Variants in MLXIP observed in about 807,000 individuals in gnomAD.
MLXIP encodes the protein MLX interacting protein, also known as MLX-interacting protein.
In MLXIP, 30 loss-of-function variants were observed where a neutral mutation model predicts 87.2. That is an observed-to-expected ratio of 0.34 (90% CI 0.26 to 0.47). The LOEUF is 0.47. Ranked by LOEUF, MLXIP falls within the 20% of genes least tolerant of loss-of-function variation. MLXIP has a pLI of 1.00. For missense variants in MLXIP, 1,002 were observed against 1,240.1 expected (o/e 0.81, Z 2.88); for synonymous variants, 530 against 514.0 (o/e 1.03, Z -0.42).
intron 1 of MLXIP, among the ~76,000 whole-genome samples, chr12:122,099,442 T>TCG (rs1952403909): frequency 6.6e-6 from 1 of 152,126 alleles, no homozygotes. Context: ...CTTCCAGGCA[T>TCG]CGTGCTGCGC....
At chr12:122,105,768 G>A (rs1423128909) in intron 1 of MLXIP, among the ~76,000 whole-genome samples, 15 of 151,376 alleles carry the variant, frequency 9.9e-5, no homozygotes, top group African/African-American at 3.6e-4. Context: ...CTAAAGAGCG[G>A]GACTCCGTCT....
chr12:122,134,973 C>T (rs1953058902), intron 9 of MLXIP: 2 of 430,070 alleles, frequency 4.7e-6, no homozygotes, highest in African/African-American at 2.2e-5. Flanking sequence ...TGCACCCAGC[C>T]TCTCTATCTT....
chr12:122,126,259 A>G (rs1313658811), intron 1 of MLXIP, among the ~76,000 whole-genome samples: 2 of 152,188 alleles, frequency 1.3e-5, no homozygotes, highest in African/African-American at 2.4e-5. Context: ...TTGAGCCCCT[A>G]CTATGTGCCA....
At chr12:122,079,287 C>T (rs990705244) in intron 1 of MLXIP, 21 bp downstream of exon 1, 6 of 1,544,188 alleles carry the variant, frequency 3.9e-6, no homozygotes, top group Admixed American at 4.0e-5. Flanking sequence ...CCGCGACCCC[C>T]TGAGGCCCCG....
intron 7 of MLXIP, among the ~76,000 whole-genome samples, chr12:122,131,276 CA>C (rs1251847123): frequency 6.6e-6 from 1 of 151,916 alleles, no homozygotes; most frequent in Admixed American, 6.6e-5. Context: ...GCAGAAACGT[CA>C]GGCCTGGGAG....
chr12:122,103,164 T>A (rs1265091367), intron 1 of MLXIP, among the ~76,000 whole-genome samples: 1 of 151,440 alleles, frequency 6.6e-6, no homozygotes, highest in Non-Finnish European at 1.5e-5. Flanking sequence ...CCACCATGCC[T>A]GGCTAATTTT....
In MLXIP at chr12:122,135,015, A is replaced by G. The variant is rs1953060182; in HGVS notation, c.1733-209A>G. 1.7e-6 allele frequency: 1 copy of G among 579,592 alleles called. No homozygotes were observed. Among genetic ancestry groups the G allele is most frequent in the Non-Finnish European group, 3.1e-6 (1 of 323,994 alleles). The allele number at this position is 579,592 out of a possible 1,614,324, so 35.9% of individuals were successfully genotyped here. A position where few individuals can be genotyped will look rare whatever the true frequency, so the allele number is the denominator to read the frequency against. On this transcript the variant is annotated intron_variant, in intron 9 of 16. Coordinates refer to ENST00000319080, the MANE Select transcript of MLXIP (RefSeq NM_014938.6). This position sits in a 1 kb window ranked among gnomAD's most constrained non-coding sequence, Gnocchi z 5.3. Reference sequence around the variant, plus strand: ...AAAGTTAGTCACAACCTACAGTGTGAAAACATGGTCCTGGCCATCTCTTTC... The same window carrying G: ...AAAGTTAGTCACAACCTACAGTGTGGAAACATGGTCCTGGCCATCTCTTTC...
At chr12:122,128,410 G>A (rs980647834) in intron 3 of MLXIP, 2 of 161,830 alleles carry the variant, frequency 1.2e-5, no homozygotes, top group African/African-American at 2.4e-5. Flanking sequence ...CACTGTTAAC[G>A]ATAAAGGGGG....
At chr12:122,097,125 C>T (rs1247442992) in intron 1 of MLXIP, among the ~76,000 whole-genome samples, 1 of 152,120 alleles carries the variant, frequency 6.6e-6, no homozygotes, top group Non-Finnish European at 1.5e-5. Context: ...GAAGAGTGCT[C>T]GGCAGAGGAG....
At chr12:122,084,259 C>A (rs139779037) in intron 1 of MLXIP, among the ~76,000 whole-genome samples, 1 of 151,534 alleles carries the variant, frequency 6.6e-6, no homozygotes. Flanking sequence ...TCTCCCCTTT[C>A]GCTGTTAACT....
chr12:122,130,823 C>T, intron 6 of MLXIP, 21 bp from the exon 7 acceptor site: 1 of 1,576,880 alleles, frequency 6.3e-7, no homozygotes, highest in Non-Finnish European at 8.7e-7. Context: ...AAAATGGTTC[C>T]TCTCTCTGTG....
chr12:122,132,489 C>A, intron 8 of MLXIP, 106 bp downstream of exon 8: 1 of 860,614 alleles, frequency 1.2e-6, no homozygotes, highest in Non-Finnish European at 1.9e-6. Context: ...ACACAGTCAC[C>A]AGCAAAGCGC....
chr12:122,078,935 G>A lies in MLXIP; in HGVS notation c.82G>A (p.Glu28Lys). Residue 28 changes from glutamate to lysine, a missense_variant, in exon 1 of 17, where the codon GAG becomes AAG. Transcript: ENST00000319080. ...RQVLLKPQVS[E>K]DDDDSDTDEP... Reference sequence around the variant, plus strand: ...GGTGCTGCTCAAGCCCCAGGTGTCCGAGGACGACGACGACTCGGACACGGA... The same window carrying A: ...GGTGCTGCTCAAGCCCCAGGTGTCCAAGGACGACGACGACTCGGACACGGA... 2.7e-6 allele frequency: 3 copies of A among 1,123,422 alleles called. No individual in the cohort carries two copies. The highest frequency in any genetic ancestry group is 4.5e-5 in the Admixed American group (1 of 22,050). 69.6% of individuals were successfully genotyped at this position (1,123,422 alleles called of 1,614,324 possible). A position where few individuals can be genotyped will look rare whatever the true frequency, so the allele number is the denominator to read the frequency against.
At chr12:122,093,403 TGGTGTGTGTTGGTGTGTTATATGTGG>T (rs1952279748) in intron 1 of MLXIP, among the ~76,000 whole-genome samples, 1 of 141,248 alleles carries the variant, frequency 7.1e-6, no homozygotes, top group Non-Finnish European at 1.5e-5. Flanking sequence ...GTTATGTGTG[TGGTGTGTGTTGGTGTGTTATATGTGG>T]GGTGTGTGTG....
Position 122,078,956 on chromosome 12 carries a change from A to G in MLXIP, c.103A>G (p.Thr35Ala). ...QVSEDDDDSD[T>A]DEPSPPPASG... ...GTCCGAGGACGACGACGACTCGGAC[A>G]CGGATGAGCCGTCCCCGCCGCCCGC... is the stretch of plus-strand genomic sequence containing the variant. Residue 35 changes from threonine (T) to alanine (A), a missense_variant, in exon 1 of 17, where the codon ACG (threonine) becomes GCG (alanine). Around this residue, in one of 3 missense-constraint regions of MLXIP, gnomAD observed 129 missense variants for 104.2 expected, o/e 1.24. Transcript: ENST00000319080. 1.8e-6 allele frequency: 2 copies of G among 1,103,716 alleles called. No homozygotes were observed. The highest frequency in any genetic ancestry group is 2.2e-6 in the Non-Finnish European group (2 of 900,990). The allele number at this position is 1,103,716 out of a possible 1,614,324, so 68.4% of individuals were successfully genotyped here.
At chr12:122,128,011 C>T (rs1332207625) in intron 3 of MLXIP, 43 bp downstream of exon 3, 1 of 1,544,474 alleles carries the variant, frequency 6.5e-7, no homozygotes, top group Non-Finnish European at 8.9e-7. Flanking sequence ...GGAAACATAC[C>T]AGCACCTCAC....
At chr12:122,086,322 GA>G (rs200439131) in intron 1 of MLXIP, among the ~76,000 whole-genome samples, 74,862 of 151,918 alleles carry the variant, frequency 0.49, 18,803 homozygotes, top group Middle Eastern at 0.64. Flanking sequence ...CACCACAGGA[GA>G]GCAGAGGAGC....
At chr12:122,118,315 T>C (rs572784728) in intron 1 of MLXIP, among the ~76,000 whole-genome samples, 65 of 152,328 alleles carry the variant, frequency 4.3e-4, no homozygotes, top group African/African-American at 1.5e-3. Context: ...CGGTTGATCA[T>C]GGGTAAAGCA....
chr12:122,133,986 A>G lies in MLXIP; in HGVS notation c.1731A>G (p.Pro577=). 1 of 1,594,362 alleles carries G rather than the reference A, an allele frequency of 6.3e-7. No homozygotes were observed. Among genetic ancestry groups the G allele is most frequent in the Non-Finnish European group, 8.6e-7 (1 of 1,169,286 alleles). ...TGTTGAAGAATGCCCGTATCGCCCCAGGTGAGCCAGGCGGGGAGACTCAGT... is the reference window on the plus strand; with the variant it reads ...TGTTGAAGAATGCCCGTATCGCCCCGGGTGAGCCAGGCGGGGAGACTCAGT... The part of the protein sequence containing the change: ...SLVLKNARIA[P]AAFSGQPQAV... The change falls in exon 9 of 17, where the codon CCA becomes CCG. Residue 577 remains proline, a splice_region_variant and synonymous_variant. Coordinates refer to ENST00000319080, the MANE Select transcript of MLXIP (RefSeq NM_014938.6). The surrounding 1 kb of genome is among the most constrained non-coding windows in gnomAD (Gnocchi z 4.9).
Sources: allele counts gnomAD v4.1 joint callset (sites outside exome capture counted in the v4.1 genomes callset), GRCh38; gene constraint gnomAD v4.1.1; regional missense constraint gnomAD v4.1.1; non-coding constraint Gnocchi (gnomAD v3.1); transcripts MANE v1.5; gene names NCBI Gene and HGNC (gene_info 2026-07-23, HGNC 2026-07-21).